Variants in PRUNE2 observed in about 807,000 individuals in gnomAD.
PRUNE2 encodes protein prune homolog 2.
A neutral mutation model predicts 252.0 loss-of-function variants in PRUNE2; 164 were observed. The observed-to-expected ratio is 0.65, with a 90% CI of 0.57 to 0.74. The LOEUF is 0.74. Among genes scored for constraint, PRUNE2 ranks in the 30% least tolerant of loss-of-function variants. The pLI, the probability that PRUNE2 is intolerant of heterozygous loss-of-function variation, is 0.00. For synonymous variants in PRUNE2, 1,292 were observed against 1,350.2 expected (o/e 0.96, Z 0.94); for missense variants, 3,495 against 3,711.0 (o/e 0.94, Z 1.51).
At position 76,709,330 on chromosome 9, in the gene PRUNE2, C is replaced by T. The variant is rs118189322; in HGVS notation, c.2944G>A (p.Glu982Lys). ...SYTSPTFAGD[E>K]KETEHKPFAK... Reference sequence around the variant, plus strand: ...AATGGCTTGTGTTCAGTTTCCTTTTCGTCTCCAGCAAATGTTGGTGATGTG... The same window carrying T: ...AATGGCTTGTGTTCAGTTTCCTTTTTGTCTCCAGCAAATGTTGGTGATGTG... The change falls in exon 8 of 19, where the codon GAA becomes AAA. Residue 982 changes from glutamate to lysine, a missense_variant. Glu to Lys is a moderately conservative substitution (Grantham distance 56, BLOSUM62 1). Transcript: ENST00000376718. 1.0e-3 allele frequency: 1,633 copies of T among 1,613,960 alleles called. 14 individuals are homozygous for T. The East Asian group carries it at 0.011, about 11-fold the overall frequency.
At chr9:76,875,932 C>T (rs1209222957) in intron 1 of PRUNE2, among the ~76,000 whole-genome samples, 11 of 152,184 alleles carry the variant, frequency 7.2e-5, no homozygotes, top group Admixed American at 7.2e-4. Context: ...TAGCCCTGGT[C>T]CCATTCTGCT....
chr9:76,798,136 T>TA (rs59647769), intron 6 of PRUNE2, among the ~76,000 whole-genome samples: 3 of 151,956 alleles, frequency 2.0e-5, no homozygotes, highest in Non-Finnish European at 4.4e-5. Flanking sequence ...TAATTGTAGT[T>TA]AAAAAAACAT....
intron 9 of PRUNE2, among the ~76,000 whole-genome samples, chr9:76,680,032 T>G (rs1431380075): frequency 6.6e-6 from 1 of 152,174 alleles, no homozygotes; most frequent in South Asian, 2.1e-4. Flanking sequence ...TAAAACCTTC[T>G]GTGCATCAAA....
intron 9 of PRUNE2, among the ~76,000 whole-genome samples, chr9:76,679,636 G>A (rs1254875429): frequency 6.6e-6 from 1 of 152,076 alleles, no homozygotes; most frequent in Non-Finnish European, 1.5e-5. Context: ...ACCCCAGCCT[G>A]GATGAGACTC....
intron 6 of PRUNE2, among the ~76,000 whole-genome samples, chr9:76,731,308 ATC>A (rs72379813): frequency 0.04 from 1,706 of 42,338 alleles, 31 homozygotes; most frequent in African/African-American, 0.1. Flanking sequence ...CTATCTATCT[ATC>A]TATATATATA....
At chr9:76,714,583 C>T (rs1050572733) in intron 6 of PRUNE2, among the ~76,000 whole-genome samples, 2 of 151,952 alleles carry the variant, frequency 1.3e-5, no homozygotes, top group African/African-American at 2.4e-5. Context: ...TTTTTGTAGG[C>T]GTCAGGTTCT....
chr9:76,876,302 T>C (rs1162092606), intron 1 of PRUNE2, among the ~76,000 whole-genome samples: 1 of 152,210 alleles, frequency 6.6e-6, no homozygotes, highest in African/African-American at 2.4e-5. Context: ...CATGTTCTGC[T>C]TGGAACACTT....
chr9:76,714,048 C>T (rs1194805532), intron 6 of PRUNE2, among the ~76,000 whole-genome samples: 4 of 152,152 alleles, frequency 2.6e-5, no homozygotes, highest in Admixed American at 1.3e-4. Context: ...CCTCTTGTCG[C>T]TTATAGGATC....
At chr9:76,689,095 C>T (rs1246652983) in intron 9 of PRUNE2, among the ~76,000 whole-genome samples, 3 of 152,190 alleles carry the variant, frequency 2.0e-5, no homozygotes, top group Admixed American at 6.5e-5. Flanking sequence ...CTGTCCTTCA[C>T]AGCCATTTAT....
intron 6 of PRUNE2, among the ~76,000 whole-genome samples, chr9:76,717,838 C>T (rs2047292719): frequency 6.6e-6 from 1 of 152,168 alleles, no homozygotes; most frequent in Admixed American, 6.6e-5. Flanking sequence ...TGCTCCCTGT[C>T]ACAGCCCTTT....
At chr9:76,727,710 CTTTTTT>C (rs373565657) in intron 6 of PRUNE2, among the ~76,000 whole-genome samples, 3 of 42,904 alleles carry the variant, frequency 7.0e-5, no homozygotes, top group African/African-American at 9.8e-5. Context: ...GTAAACAGGG[CTTTTTT>C]TTTTTTTTTT....
chr9:76,892,533 G>A (rs1035554518), intron 1 of PRUNE2, among the ~76,000 whole-genome samples: 3 of 152,186 alleles, frequency 2.0e-5, no homozygotes, highest in Non-Finnish European at 4.4e-5. Context: ...CAATGAAAAG[G>A]TTTAACCTCA....
At chr9:76,875,296 A>G (rs1354688240) in intron 1 of PRUNE2, among the ~76,000 whole-genome samples, 1 of 152,224 alleles carries the variant, frequency 6.6e-6, no homozygotes, top group Non-Finnish European at 1.5e-5. Context: ...TCTGGGTTGT[A>G]AATAGATGTT....
chr9:76,623,411 C>A (rs1401099428), intron 17 of PRUNE2, among the ~76,000 whole-genome samples: 5 of 151,966 alleles, frequency 3.3e-5, no homozygotes, highest in African/African-American at 1.2e-4. Flanking sequence ...TCTCCTTCCT[C>A]AGCCTCCCGA....
chr9:76,787,990 T>A (rs1021977375), intron 6 of PRUNE2, among the ~76,000 whole-genome samples: 1 of 152,194 alleles, frequency 6.6e-6, no homozygotes, highest in African/African-American at 2.4e-5. Flanking sequence ...CTGTCTAGGA[T>A]GCCTTTTCCC....
At chr9:76,881,113 G>A (rs889140644) in intron 1 of PRUNE2, among the ~76,000 whole-genome samples, 4 of 151,984 alleles carry the variant, frequency 2.6e-5, no homozygotes, top group African/African-American at 7.2e-5. Flanking sequence ...GACTACAGGC[G>A]TGCGCCACCA....
Position 76,754,964 on chromosome 9 carries a change from CAAAAAAAAAAAAA to C in PRUNE2, c.757-41256_757-41244del, listed in dbSNP as rs11292120. On this transcript the variant is annotated intron_variant, in intron 6 of 18. Coordinates refer to ENST00000376718, the MANE Select transcript of PRUNE2 (RefSeq NM_015225.3). ...CTGGTGACAGAGTGAGACTCGGTCT[CAAAAAAAAAAAAA>C]AAAAAAAAAAACCCAAAAAAACAAA... Among the ~76,000 whole-genome samples the C allele has an allele frequency of 2.9e-3, 200 of 68,010 alleles. 1 individual carries two copies. The highest frequency in any genetic ancestry group is 8.5e-3 in the African/African-American group (175 of 20,630). The allele number at this position is 68,010 out of a possible 152,430, so 44.6% of individuals were successfully genotyped here. A position where few individuals can be genotyped will look rare whatever the true frequency, so the allele number is the denominator to read the frequency against.
chr9:76,651,111 A>G (rs1379965604), intron 11 of PRUNE2, among the ~76,000 whole-genome samples: 1 of 152,174 alleles, frequency 6.6e-6, no homozygotes, highest in Non-Finnish European at 1.5e-5. Context: ...AACTACCCAG[A>G]TAACTACAGA....
At chr9:76,744,813 G>A (rs2049961856) in intron 6 of PRUNE2, among the ~76,000 whole-genome samples, 1 of 152,144 alleles carries the variant, frequency 6.6e-6, no homozygotes. Flanking sequence ...CCCAGCTGCT[G>A]GACTCCATAC....
Sources: gnomAD v4.1 joint callset for allele counts (sites outside exome capture counted in the v4.1 genomes callset) on GRCh38, gnomAD v4.1.1 for gene constraint, MANE v1.5 for transcripts, NCBI Gene and HGNC (gene_info 2026-07-23, HGNC 2026-07-21) for gene names.